TBCEL: variants seen among roughly 807,000 people sequenced by gnomAD.
TBCEL encodes tubulin-specific chaperone cofactor E-like protein.
In TBCEL, 15 loss-of-function variants were observed where a neutral mutation model predicts 44.2. The observed-to-expected ratio is 0.34, with a 90% CI of 0.23 to 0.52. TBCEL has a LOEUF of 0.52. TBCEL is among the 20% of genes least tolerant of loss of function. The pLI, the probability that TBCEL is intolerant of heterozygous loss-of-function variation, is 0.95. For synonymous variants in TBCEL, 171 were observed against 185.4 expected (o/e 0.92, Z 0.63); for missense variants, 319 against 506.3 (o/e 0.63, Z 3.55).
At chr11:121,029,648 A>G (rs906288859) in intron 1 of TBCEL, among the ~76,000 whole-genome samples, 2 of 152,226 alleles carry the variant, frequency 1.3e-5, no homozygotes, top group Non-Finnish European at 2.9e-5. Context: ...TCAGGATCTT[A>G]AAACTGTGTG....
intron 1 of TBCEL, among the ~76,000 whole-genome samples, chr11:121,026,648 A>G (rs1004956320): frequency 1.1e-4 from 16 of 152,300 alleles, no homozygotes; most frequent in Admixed American, 1.0e-3. Flanking sequence ...GTGTGTTATA[A>G]ATCTTTCTTG....
At chr11:121,052,981 A>G (rs1019816946) in intron 4 of TBCEL, among the ~76,000 whole-genome samples, 2 of 151,588 alleles carry the variant, frequency 1.3e-5, no homozygotes, top group Non-Finnish European at 2.9e-5. Context: ...CTTTCGTTAT[A>G]TAGTTACGGA....
At chr11:121,062,081 ATTT>A (rs569486415) in intron 8 of TBCEL, among the ~76,000 whole-genome samples, 2 of 150,106 alleles carry the variant, frequency 1.3e-5, no homozygotes, top group African/African-American at 4.9e-5. Context: ...TACTTTTTAA[ATTT>A]TTTTTTTAAT....
At chr11:121,069,527 A>T (rs1945885433) in intron 8 of TBCEL, among the ~76,000 whole-genome samples, 1 of 152,042 alleles carries the variant, frequency 6.6e-6, no homozygotes, top group Non-Finnish European at 1.5e-5. Context: ...ACAGTGGCTC[A>T]CTCCTGTAAT....
intron 8 of TBCEL, among the ~76,000 whole-genome samples, chr11:121,073,762 A>G (rs1945981398): frequency 6.6e-6 from 1 of 151,832 alleles, no homozygotes. Context: ...CTATTTTTCT[A>G]AGAGTTTCTT....
chr11:121,030,465 G>A (rs1176882019), intron 1 of TBCEL, among the ~76,000 whole-genome samples: 12 of 152,134 alleles, frequency 7.9e-5, no homozygotes, highest in African/African-American at 2.4e-4. Flanking sequence ...GGACCAGGGC[G>A]GAGGCTAATG....
chr11:121,036,722 G>C (rs1945237554), intron 2 of TBCEL, 110 bp downstream of exon 2: 1 of 152,160 alleles, frequency 6.6e-6, no homozygotes, highest in Admixed American at 6.5e-5. Flanking sequence ...TTCAAGGGCT[G>C]TGTTTATGTA....
At chr11:121,027,545 A>G (rs1477121157) in intron 1 of TBCEL, among the ~76,000 whole-genome samples, 1 of 152,112 alleles carries the variant, frequency 6.6e-6, no homozygotes, top group Non-Finnish European at 1.5e-5. Context: ...TTCTGGCATC[A>G]TCATTACACT....
intron 8 of TBCEL, among the ~76,000 whole-genome samples, chr11:121,078,720 GC>G (rs1946074388): frequency 6.6e-6 from 1 of 152,030 alleles, no homozygotes; most frequent in Non-Finnish European, 1.5e-5. Flanking sequence ...CATCTCCTTT[GC>G]CTTGTATGAC....
chr11:121,035,384 T>C (rs1042051299), intron 1 of TBCEL: 5 of 151,740 alleles, frequency 3.3e-5, no homozygotes, highest in African/African-American at 1.2e-4. Flanking sequence ...CGTTTAGTTT[T>C]AGAACCAGTA....
chr11:121,032,237 A>G (rs1021086410), intron 1 of TBCEL, among the ~76,000 whole-genome samples: 1 of 152,136 alleles, frequency 6.6e-6, no homozygotes, highest in African/African-American at 2.4e-5. Context: ...CTTCCCTGCC[A>G]TATTTACATG....
intron 1 of TBCEL, among the ~76,000 whole-genome samples, chr11:121,031,188 C>T (rs1331249593): frequency 6.6e-6 from 1 of 152,134 alleles, no homozygotes; most frequent in Non-Finnish European, 1.5e-5. Flanking sequence ...CTACAAGTTC[C>T]TGTAGAGTTT....
intron 8 of TBCEL, among the ~76,000 whole-genome samples, chr11:121,063,754 C>A (rs979699325): frequency 2.0e-5 from 3 of 152,150 alleles, no homozygotes; most frequent in Non-Finnish European, 4.4e-5. Flanking sequence ...CTAACTTTGC[C>A]TGCACATAAC....
intron 8 of TBCEL, among the ~76,000 whole-genome samples, chr11:121,082,152 C>G (rs1340358378): frequency 1.1e-4 from 16 of 152,202 alleles, no homozygotes; most frequent in Admixed American, 1.0e-3. Context: ...TGGCTTAAAG[C>G]AATGCCTACT....
chr11:121,025,527 C>T (rs1401973024), intron 1 of TBCEL, among the ~76,000 whole-genome samples: 1 of 151,930 alleles, frequency 6.6e-6, no homozygotes, highest in African/African-American at 2.4e-5. Flanking sequence ...GTGATATGTT[C>T]TGCTAATTTC....
At chr11:121,036,073 G>A (rs1344189740) in intron 1 of TBCEL, 2 of 152,156 alleles carry the variant, frequency 1.3e-5, no homozygotes, top group Admixed American at 6.5e-5. Flanking sequence ...CGCTGGTAAG[G>A]CCACAAAAAC....
chr11:121,051,678 G>C (rs1350898473), intron 4 of TBCEL, among the ~76,000 whole-genome samples: 2 of 151,694 alleles, frequency 1.3e-5, no homozygotes, highest in Admixed American at 6.6e-5. Flanking sequence ...GTGCACACTG[G>C]TATAAATTCC....
intron 8 of TBCEL, among the ~76,000 whole-genome samples, chr11:121,074,184 T>G (rs1473072878): frequency 2.0e-5 from 3 of 151,988 alleles, no homozygotes; most frequent in African/African-American, 7.2e-5. Flanking sequence ...TAATTTTCAT[T>G]TGGATGGGCA....
chr11:121,061,605 T>G (rs146974448), intron 8 of TBCEL, among the ~76,000 whole-genome samples: 2 of 152,078 alleles, frequency 1.3e-5, no homozygotes, highest in Non-Finnish European at 2.9e-5. Flanking sequence ...CTGTACAGCA[T>G]GTGACTATAA....
Sources: allele counts gnomAD v4.1 joint callset (sites outside exome capture counted in the v4.1 genomes callset), GRCh38; gene constraint gnomAD v4.1.1; transcripts MANE v1.5; gene names NCBI Gene and HGNC (gene_info 2026-07-23, HGNC 2026-07-21).